The following ZNF385D variants were observed in gnomAD, a reference collection of about 807,000 sequenced individuals.
ZNF385D encodes the protein zinc finger protein 385D.
A neutral mutation model predicts 35.8 loss-of-function variants in ZNF385D; 15 were observed. The observed-to-expected ratio is 0.42, with a 90% CI of 0.28 to 0.64. The LOEUF is 0.64. Among genes scored for constraint, ZNF385D ranks in the 30% least tolerant of loss-of-function variants. The pLI, the probability that ZNF385D is intolerant of heterozygous loss-of-function variation, is 0.23. For synonymous variants in ZNF385D, 212 were observed against 186.8 expected, an observed-to-expected ratio of 1.13 and a Z score of -1.10; for missense variants, 474 against 494.6, an observed-to-expected ratio of 0.96 and a Z score of 0.39.
At chr3:22,196,912 T>C (rs1696459796) in intron 2 of ZNF385D, among the ~76,000 whole-genome samples, 1 of 152,064 alleles carries the variant, frequency 6.6e-6, no homozygotes, top group African/African-American at 2.4e-5. Flanking sequence ...TGGCAAATTC[T>C]TTCACTTTTC....
At position 22,040,658 on chromosome 3, in the gene ZNF385D, G is replaced by A. The variant is rs970642711; in HGVS notation, c.325+128159C>T. Among the ~76,000 whole-genome samples the A allele has an allele frequency of 3.3e-5, 5 of 152,172 alleles. No individual in the cohort carries two copies. The East Asian group carries it at 9.6e-4, about 29-fold the overall frequency. On this transcript the variant is annotated intron_variant, in intron 3 of 5. Coordinates refer to the ZNF385D transcript ENST00000494108. ...ACATGGTAAAGAATTATGGGAACAA[G>A]GTCTTAGACTTCAGGAGACTTGGCA...
At position 22,243,253 on chromosome 3, in the gene ZNF385D, C is replaced by T. The variant is rs764778128; in HGVS notation, c.107-74218G>A. The stretch of plus-strand genomic sequence containing the variant: ...ACTTCTCCAAGACATATATAAACAG[C>T]CAATAAGCACATGAAAAGATGTTCA... On this transcript the variant is annotated intron_variant, in intron 2 of 5. Transcript: ENST00000494108. 2.3e-4 allele frequency among the ~76,000 whole-genome samples: 35 copies of T among 150,688 alleles called. 1 individual carries two copies. Among genetic ancestry groups the T allele is most frequent in the Non-Finnish European group, 5.0e-4 (34 of 67,874 alleles).
At position 21,990,776 on chromosome 3, in the gene ZNF385D, T is replaced by G. The variant is rs193177421; in HGVS notation, c.325+178041A>C. 6.6e-5 allele frequency among the ~76,000 whole-genome samples: 10 copies of G among 152,338 alleles called. No homozygotes were observed. The East Asian group carries it at 1.5e-3, about 23-fold the overall frequency. On this transcript the variant is annotated intron_variant, in intron 3 of 5. Transcript: ENST00000494108. ...GAAAAACTGTATGAGCTGAAACACT[T>G]ATTGCTAACTCAGATGGGAAAATTC... is the stretch of plus-strand genomic sequence containing the variant.
intron 3 of ZNF385D, among the ~76,000 whole-genome samples, chr3:22,092,716 A>G (rs1188985158): frequency 6.6e-6 from 1 of 152,040 alleles, no homozygotes; most frequent in Non-Finnish European, 1.5e-5. Context: ...CCCCTCTTAC[A>G]GTTAATAATT....
chr3:21,446,581 C>T lies in ZNF385D; in HGVS notation c.440-9378G>A, dbSNP rs374837149. ...CCATCTCAGCTCACTGCAACTTCTG[C>T]CTCCTGGATTCAAGTGATTCTTCTG... On this transcript the variant is annotated intron_variant, in intron 4 of 7. Coordinates refer to ENST00000281523, the MANE Select transcript of ZNF385D (RefSeq NM_024697.3). Among the ~76,000 whole-genome samples, 68 of 142,716 alleles carry T rather than the reference C, an allele frequency of 4.8e-4. No individual in the cohort carries two copies. In the East Asian group the frequency reaches 0.011, roughly 24 times the overall value. The allele number at this position is 142,716 out of a possible 152,430, so 93.6% of individuals were successfully genotyped here.
intron 3 of ZNF385D, among the ~76,000 whole-genome samples, chr3:22,116,270 C>A (rs1232160777): frequency 2.0e-5 from 3 of 152,010 alleles, no homozygotes; most frequent in South Asian, 4.1e-4. Flanking sequence ...CTACATTTGA[C>A]ACTTAACACC....
At chr3:22,164,976 G>A (rs575049018) in intron 3 of ZNF385D, among the ~76,000 whole-genome samples, 1 of 151,992 alleles carries the variant, frequency 6.6e-6, no homozygotes, top group Admixed American at 6.6e-5. Context: ...AAAACCATGG[G>A]GACCATAAAA....
In ZNF385D at chr3:21,553,611, C is replaced by G. The variant is rs930406522; in HGVS notation, c.276+10963G>C. On this transcript the variant is annotated intron_variant, in intron 3 of 7. Coordinates refer to ENST00000281523, the MANE Select transcript of ZNF385D (RefSeq NM_024697.3). ...AGTGAAGTTTGTTGCATCTAGAACT[C>G]TTTTCACAAAATATTTCTCTTTAGC... is the stretch of plus-strand genomic sequence containing the variant. Among the ~76,000 whole-genome samples, 9 of 152,240 alleles carry G rather than the reference C, an allele frequency of 5.9e-5. No individual in the cohort carries two copies. The East Asian group carries it at 1.7e-3, about 29-fold the overall frequency.
chr3:22,039,201 G>T (rs1698514451), intron 3 of ZNF385D, among the ~76,000 whole-genome samples: 2 of 143,668 alleles, frequency 1.4e-5, no homozygotes, highest in South Asian at 2.2e-4. Context: ...ATGAATGGAA[G>T]CTTCTAAAAA....
In ZNF385D at chr3:21,925,121, G is replaced by A. The variant is rs565440005; in HGVS notation, c.325+243696C>T. Reference sequence around the variant, plus strand: ...TAATCCAATTGCTAAGAAAATCTTAGCAAGACTTTTATAGGTATACATACA... The same window carrying A: ...TAATCCAATTGCTAAGAAAATCTTAACAAGACTTTTATAGGTATACATACA... On this transcript the variant is annotated intron_variant, in intron 3 of 5. Transcript: ENST00000494108. 1.5e-3 allele frequency among the ~76,000 whole-genome samples: 226 copies of A among 152,270 alleles called. 1 individual carries two copies. Among genetic ancestry groups the A allele is most frequent in the African/African-American group, 4.8e-3 (198 of 41,538 alleles).
intron 3 of ZNF385D, among the ~76,000 whole-genome samples, chr3:22,077,810 C>A (rs1376229270): frequency 6.6e-6 from 1 of 151,902 alleles, no homozygotes; most frequent in Non-Finnish European, 1.5e-5. Context: ...TCTAAAGCAT[C>A]ATTTTAAGTA....
At chr3:22,357,178 C>G (rs1696193069) in intron 2 of ZNF385D, among the ~76,000 whole-genome samples, 1 of 151,890 alleles carries the variant, frequency 6.6e-6, no homozygotes, top group Non-Finnish European at 1.5e-5. Context: ...CAGAATATAT[C>G]ATTATCTCCA....
chr3:22,081,786 T>G (rs1281238920), intron 3 of ZNF385D, among the ~76,000 whole-genome samples: 3 of 152,104 alleles, frequency 2.0e-5, no homozygotes, highest in Non-Finnish European at 4.4e-5. Flanking sequence ...TCTCTGGTCA[T>G]TTTTTTAAAA....
chr3:21,628,251 T>C (rs572283140), intron 2 of ZNF385D, among the ~76,000 whole-genome samples: 2 of 152,218 alleles, frequency 1.3e-5, no homozygotes, highest in African/African-American at 2.4e-5. Flanking sequence ...TGGCATTTCA[T>C]TGTCAGATGG....
chr3:21,554,958 C>G (rs2062682481), intron 3 of ZNF385D, among the ~76,000 whole-genome samples: 1 of 152,138 alleles, frequency 6.6e-6, no homozygotes, highest in Non-Finnish European at 1.5e-5. Flanking sequence ...ACCACTAGCA[C>G]TTTCTCCATA....
intron 3 of ZNF385D, among the ~76,000 whole-genome samples, chr3:21,896,527 C>G (rs1001506191): frequency 6.6e-6 from 1 of 152,116 alleles, no homozygotes; most frequent in African/African-American, 2.4e-5. Flanking sequence ...GGGGCCTGGG[C>G]CTTTTTTTCC....
At chr3:21,779,414 A>C (rs192635252) in intron 3 of ZNF385D, among the ~76,000 whole-genome samples, 67 of 152,040 alleles carry the variant, frequency 4.4e-4, no homozygotes, top group Non-Finnish European at 8.1e-4. Context: ...TGTGAGGAAA[A>C]AAACATTAAA....
At position 22,221,227 on chromosome 3, in the gene ZNF385D, AAT is replaced by A. The variant is rs557161656; in HGVS notation, c.107-52194_107-52193del. Among the ~76,000 whole-genome samples the A allele has an allele frequency of 3.9e-5, 6 of 152,272 alleles. No homozygotes were observed. In the South Asian group the frequency reaches 6.2e-4, roughly 16 times the overall value. ...TGTATACATACATTTGTAAATATAA[AAT>A]ATGTGTATATACACCTAATGTCTAC... On this transcript the variant is annotated intron_variant, in intron 2 of 5. Transcript: ENST00000494108.
Position 21,535,871 on chromosome 3 carries a change from C to T in ZNF385D, c.277-24848G>A, listed in dbSNP as rs373378478. Among the ~76,000 whole-genome samples, 64 of 152,090 alleles carry T rather than the reference C, an allele frequency of 4.2e-4. No homozygotes were observed. In the South Asian group the frequency reaches 4.6e-3, roughly 11 times the overall value. Reference sequence around the variant, plus strand: ...TTGCTTTCCTCTGATACCATCCCATCGCTAGTCACCCTGAGTTTTCTTAAA... The same window carrying T: ...TTGCTTTCCTCTGATACCATCCCATTGCTAGTCACCCTGAGTTTTCTTAAA... On this transcript the variant is annotated intron_variant, in intron 3 of 7. Coordinates refer to ENST00000281523, the MANE Select transcript of ZNF385D (RefSeq NM_024697.3).
Sources: allele counts gnomAD v4.1 joint callset (sites outside exome capture counted in the v4.1 genomes callset), GRCh38; gene constraint gnomAD v4.1.1; transcripts MANE v1.5; gene names NCBI Gene and HGNC (gene_info 2026-07-23, HGNC 2026-07-21).